Variants in ADAMTS19 observed in about 807,000 individuals in gnomAD.
ADAMTS19 encodes ADAM metallopeptidase with thrombospondin type 1 motif 19, also known as A disintegrin and metalloproteinase with thrombospondin motifs 19.
ADAMTS19 carries 93 observed loss-of-function variants against 153.3 expected under a neutral mutation model. The observed-to-expected ratio is 0.61, with a 90% CI of 0.51 to 0.72. The LOEUF is 0.72. Ranked by LOEUF, ADAMTS19 falls within the 30% of genes least tolerant of loss-of-function variation. ADAMTS19 has a pLI of 0.00. For missense variants in ADAMTS19, 1,482 were observed against 1,552.1 expected (o/e 0.95, Z 0.76); for synonymous variants, 600 against 556.6 (o/e 1.08, Z -1.10).
intron 15 of ADAMTS19, 112 bp downstream of exon 15, chr5:129,658,849 A>G (rs965742804): frequency 6.9e-6 from 8 of 1,160,686 alleles, no homozygotes; most frequent in African/African-American, 1.6e-5. Flanking sequence ...AAGACTTGCA[A>G]TGGGTATTAA....
intron 11 of ADAMTS19, among the ~76,000 whole-genome samples, 160 bp downstream of exon 11, chr5:129,642,120 T>C (rs1752817537): frequency 1.3e-5 from 2 of 151,750 alleles, no homozygotes; most frequent in Non-Finnish European, 2.9e-5. Flanking sequence ...ACATTTATAC[T>C]TTTTAAAATC....
At chr5:129,646,098 C>T (rs1486828382) in intron 11 of ADAMTS19, among the ~76,000 whole-genome samples, 1 of 150,742 alleles carries the variant, frequency 6.6e-6, no homozygotes, top group Non-Finnish European at 1.5e-5. Flanking sequence ...CTGTTTTAGC[C>T]GGGATGGTCT....
At chr5:129,625,536 GTGTGAGATGGTATCTCAT>G (rs1436963646) in intron 10 of ADAMTS19, among the ~76,000 whole-genome samples, 1 of 152,140 alleles carries the variant, frequency 6.6e-6, no homozygotes, top group African/African-American at 2.4e-5. Flanking sequence ...ATTCTAACTG[GTGTGAGATGGTATCTCAT>G]TGTGGTTTTG....
chr5:129,679,630 A>G, intron 16 of ADAMTS19, 134 bp from the exon 17 acceptor site: 1 of 827,710 alleles, frequency 1.2e-6, no homozygotes, highest in Non-Finnish European at 1.8e-6. Flanking sequence ...GAGCTGCCTC[A>G]AGTTTTACAT....
At chr5:129,695,942 A>G (rs774826966) in intron 19 of ADAMTS19, among the ~76,000 whole-genome samples, 1 of 152,200 alleles carries the variant, frequency 6.6e-6, no homozygotes, top group Non-Finnish European at 1.5e-5. Flanking sequence ...ATTTTATAGC[A>G]GTTTATAACT....
At chr5:129,580,792 C>A (rs956188647) in intron 7 of ADAMTS19, among the ~76,000 whole-genome samples, 1 of 152,110 alleles carries the variant, frequency 6.6e-6, no homozygotes, top group Non-Finnish European at 1.5e-5. Context: ...CTGACTTGAT[C>A]GTGGTGGGTA....
chr5:129,663,443 G>A (rs889830787), intron 15 of ADAMTS19, among the ~76,000 whole-genome samples: 2 of 152,304 alleles, frequency 1.3e-5, no homozygotes, highest in Admixed American at 1.3e-4. Context: ...GATACAAATT[G>A]CAAAGCCAAA....
chr5:129,692,212 G>GAT (rs1205327808), intron 18 of ADAMTS19, among the ~76,000 whole-genome samples: 6 of 151,924 alleles, frequency 3.9e-5, no homozygotes, highest in African/African-American at 1.5e-4. Context: ...ATATCTATTT[G>GAT]ATATATATAC....
At chr5:129,714,765 A>G (rs1229008059) in intron 21 of ADAMTS19, among the ~76,000 whole-genome samples, 1 of 152,228 alleles carries the variant, frequency 6.6e-6, no homozygotes, top group African/African-American at 2.4e-5. Context: ...TCTTTGACTC[A>G]GCAAAAATTT....
intron 14 of ADAMTS19, among the ~76,000 whole-genome samples, chr5:129,658,387 AAGGT>A (rs1174926904): frequency 6.8e-4 from 100 of 147,238 alleles, no homozygotes; most frequent in African/African-American, 2.3e-3. Context: ...GGAAGGAAGG[AAGGT>A]AGGTAGGTTA....
rs60233609 is a variant in ADAMTS19, at chr5:129,510,856, G to GATATATATAT, written c.913+1628_913+1637dup. On this transcript the variant is annotated intron_variant, in intron 3 of 22. Coordinates refer to ENST00000274487, the MANE Select transcript of ADAMTS19 (RefSeq NM_133638.6). The stretch of plus-strand genomic sequence containing the variant: ...CAAATGTTGTGCATAAAGTTTCTGA[G>GATATATATAT]ATATATATATATATATATATATAGT... Among the ~76,000 whole-genome samples the GATATATATAT allele has an allele frequency of 7.9e-3, 1,109 of 141,106 alleles. 5 individuals are homozygous for GATATATATAT. Among genetic ancestry groups the GATATATATAT allele is most frequent in the East Asian group, 0.034 (163 of 4,756 alleles). The allele number at this position is 141,106 out of a possible 152,430, so 92.6% of individuals were successfully genotyped here. A position where few individuals can be genotyped will look rare whatever the true frequency, so the allele number is the denominator to read the frequency against.
chr5:129,543,053 T>TG (rs1380253495), intron 6 of ADAMTS19, among the ~76,000 whole-genome samples: 1 of 151,286 alleles, frequency 6.6e-6, no homozygotes, highest in Non-Finnish European at 1.5e-5. Context: ...GTTTTGTTTT[T>TG]TTTTTTTTAA....
intron 14 of ADAMTS19, among the ~76,000 whole-genome samples, chr5:129,658,325 G>GAAAGAAAGAAAGAA (rs1309579792): frequency 2.1e-4 from 22 of 107,302 alleles, no homozygotes; most frequent in Non-Finnish European, 3.5e-4. Context: ...AAGAAAGAAA[G>GAAAGAAAGAAAGAA]AAAGAAAGAA....
chr5:129,629,795 G>A (rs1417036894), intron 10 of ADAMTS19, among the ~76,000 whole-genome samples: 2 of 152,070 alleles, frequency 1.3e-5, no homozygotes, highest in Non-Finnish European at 2.9e-5. Context: ...GGCATCTTGT[G>A]GCTGAGCCAG....
At chr5:129,496,237 G>A (rs1750924959) in intron 2 of ADAMTS19, among the ~76,000 whole-genome samples, 1 of 152,032 alleles carries the variant, frequency 6.6e-6, no homozygotes, top group Non-Finnish European at 1.5e-5. Flanking sequence ...TTTGCTGATG[G>A]TGCAAGTGGT....
chr5:129,595,488 TC>T (rs1750329806), intron 7 of ADAMTS19, among the ~76,000 whole-genome samples: 1 of 152,114 alleles, frequency 6.6e-6, no homozygotes, highest in African/African-American at 2.4e-5. Context: ...ATGTTTTGTT[TC>T]TGGAGACAGA....
intron 3 of ADAMTS19, among the ~76,000 whole-genome samples, chr5:129,515,074 C>T (rs1188620574): frequency 6.6e-6 from 1 of 151,824 alleles, no homozygotes; most frequent in Non-Finnish European, 1.5e-5. Flanking sequence ...GTTCTTGGCA[C>T]CTTTTTCAAA....
intron 21 of ADAMTS19, among the ~76,000 whole-genome samples, chr5:129,733,711 T>C (rs896258629): frequency 2.6e-5 from 4 of 151,888 alleles, no homozygotes; most frequent in African/African-American, 4.8e-5. Flanking sequence ...TTAGTGAAAA[T>C]GTAAATAAAC....
rs763804893 is a variant in ADAMTS19 at position 129,460,376 on chromosome 5, G to A, written c.-16G>A. 5 of 1,611,008 alleles carry A rather than the reference G, an allele frequency of 3.1e-6. No homozygotes were observed. The highest frequency in any genetic ancestry group is 4.2e-6 in the Non-Finnish European group (5 of 1,178,960). The stretch of plus-strand genomic sequence containing the variant: ...GGCGTGCGCCGGGCGAGAAGCCGCG[G>A]CCGCGGGAGCGCAGTATGGGGAAGA... On this transcript the variant is annotated 5_prime_UTR_variant, in exon 1 of 23. Coordinates refer to ENST00000274487, the MANE Select transcript of ADAMTS19 (RefSeq NM_133638.6).
Sources: gnomAD v4.1 joint callset for allele counts (sites outside exome capture counted in the v4.1 genomes callset) on GRCh38, gnomAD v4.1.1 for gene constraint, MANE v1.5 for transcripts, NCBI Gene and HGNC (gene_info 2026-07-23, HGNC 2026-07-21) for gene names.